The following PARP14 variants were observed in gnomAD, a reference collection of about 807,000 sequenced individuals.
PARP14 encodes poly(ADP-ribose) polymerase family member 14.
In PARP14, 59 loss-of-function variants were observed where a neutral mutation model predicts 154.2. The observed-to-expected ratio is 0.38, with a 90% CI of 0.31 to 0.48. The LOEUF (loss-of-function observed/expected upper bound fraction) is 0.48. Ranked by LOEUF, PARP14 falls within the 20% of genes least tolerant of loss-of-function variation. The pLI is 0.98. For synonymous variants in PARP14, 720 were observed against 780.5 expected, an observed-to-expected ratio of 0.92 and a Z score of 1.29; for missense variants, 1,734 against 2,131.6, an observed-to-expected ratio of 0.81 and a Z score of 3.67.
intron 15 of PARP14, among the ~76,000 whole-genome samples, chr3:122,723,160 G>A (rs151078054): frequency 0.059 from 8,913 of 151,988 alleles, 319 homozygotes; most frequent in African/African-American, 0.097. Flanking sequence ...GGCTGGTCTC[G>A]AACTCCTGAC....
chr3:122,720,570 CT>C (rs1933139549), intron 15 of PARP14, 182 bp downstream of exon 15: 1 of 648,986 alleles, frequency 1.5e-6, no homozygotes, highest in Non-Finnish European at 2.8e-6. Context: ...CATTAAGATT[CT>C]TGTGTCAGTG....
chr3:122,685,583 C>T (rs1241959368), intron 2 of PARP14, among the ~76,000 whole-genome samples: 1 of 150,590 alleles, frequency 6.6e-6, no homozygotes, highest in African/African-American at 2.4e-5. Flanking sequence ...AATCTTGGCT[C>T]ACTGCAACCT....
chr3:122,720,219 G>A (rs775801543), intron 14 of PARP14, 36 bp from the exon 15 acceptor site: 1 of 1,601,122 alleles, frequency 6.2e-7, no homozygotes, highest in Non-Finnish European at 8.5e-7. Context: ...GTGTACCGGG[G>A]ATGTATGAGG....
chr3:122,712,124 C>A (rs1404123373), intron 9 of PARP14, among the ~76,000 whole-genome samples: 1 of 152,046 alleles, frequency 6.6e-6, no homozygotes, highest in Non-Finnish European at 1.5e-5. Flanking sequence ...TCCTATTTTT[C>A]CATTCATTCC....
chr3:122,721,951 C>G (rs1161786094), intron 15 of PARP14: 1 of 152,142 alleles, frequency 6.6e-6, no homozygotes, highest in East Asian at 1.9e-4. Flanking sequence ...TAAGATAATA[C>G]AGACGAACTG....
intron 5 of PARP14, among the ~76,000 whole-genome samples, chr3:122,696,537 C>A (rs145708110): frequency 6.6e-6 from 1 of 152,140 alleles, no homozygotes; most frequent in South Asian, 2.1e-4. Flanking sequence ...CAAAGAGGAG[C>A]TTCTGTCACA....
intron 14 of PARP14, 35 bp from the exon 15 acceptor site, chr3:122,720,220 A>T (rs749188821): frequency 3.1e-6 from 5 of 1,601,896 alleles, no homozygotes; most frequent in Admixed American, 3.4e-5. Context: ...TGTACCGGGG[A>T]TGTATGAGGG....
Position 122,713,915 on chromosome 3 carries a change from A to C in PARP14, c.3813A>C (p.Glu1271Asp). 2.5e-6 allele frequency: 4 copies of C among 1,612,842 alleles called. No individual in the cohort carries two copies. Among genetic ancestry groups the C allele is most frequent in the Non-Finnish European group, 3.4e-6 (4 of 1,178,868 alleles). Residue 1271 changes from glutamate to aspartate, a missense_variant, in exon 11 of 17, where the codon GAA becomes GAC. This residue lies in a region of PARP14 where 1,646 missense variants were observed against 1,976.0 expected (regional missense o/e 0.83). Transcript: ENST00000474629. The part of the protein sequence containing the change: ...AILECAGQNV[E>D]RECSQQAQQR... ...TAGAATGTGCTGGACAAAATGTAGA[A>C]AGGGAATGTTCTCAGCAAGGTAAGG...
chr3:122,716,242 A>C (rs1031031525), intron 12 of PARP14, among the ~76,000 whole-genome samples: 2 of 152,004 alleles, frequency 1.3e-5, no homozygotes, highest in Non-Finnish European at 2.9e-5. Context: ...CTCAACGCAG[A>C]CTCCAAACTC....
chr3:122,727,687 C>T (rs903263860), intron 15 of PARP14, 125 bp from the exon 16 acceptor site: 23 of 520,704 alleles, frequency 4.4e-5, no homozygotes, highest in Non-Finnish European at 6.9e-5. Context: ...AGAAAGCTGC[C>T]GTCTGGCATT....
rs267599575 is a variant in PARP14, at chr3:122,718,439, C to A, written c.4288C>A (p.Arg1430=). 137 of 1,613,762 alleles carry A rather than the reference C, an allele frequency of 8.5e-5. 1 individual carries two copies. The South Asian group carries it at 1.4e-3, about 17-fold the overall frequency. Residue 1430 remains arginine, a synonymous_variant, in exon 14 of 17, where the codon CGG becomes AGG. Transcript: ENST00000474629. ...AAAGAAAACAGAATCAGCAACTTTTCGGGTGTGTGGTGAAAATGTCACGTG... is the reference window on the plus strand; with the variant it reads ...AAAGAAAACAGAATCAGCAACTTTTAGGGTGTGTGGTGAAAATGTCACGTG... ...LEKKTESATF[R]VCGENVTCVE... is the part of the protein sequence containing the mutation.
intron 7 of PARP14, 50 bp from the exon 8 acceptor site, chr3:122,704,477 A>T: frequency 8.4e-7 from 1 of 1,183,738 alleles, no homozygotes. Flanking sequence ...TTTTTGTTCT[A>T]ACTCCCATTT....
At chr3:122,688,878 G>A (rs903205934) in intron 3 of PARP14, among the ~76,000 whole-genome samples, 3 of 152,132 alleles carry the variant, frequency 2.0e-5, no homozygotes, top group Admixed American at 6.5e-5. Flanking sequence ...TTAAAACTGA[G>A]GCGTCTGCAG....
In PARP14 at chr3:122,729,846, T is replaced by G. The variant is rs2107658324; in HGVS notation, c.*1249T>G. 6.6e-6 allele frequency: 1 copy of G among 152,340 alleles called. No individual in the cohort carries two copies. Among genetic ancestry groups the G allele is most frequent in the Middle Eastern group, 3.4e-3 (1 of 294 alleles). 9.4% of individuals were successfully genotyped at this position (152,340 alleles called of 1,614,324 possible). On this transcript the variant is annotated 3_prime_UTR_variant, in exon 17 of 17. Transcript: ENST00000474629. Reference sequence around the variant, plus strand: ...GAGATTAAATGAACTCTAAGATTATTAAATAGTATATTTTCCTTGACAGCC... The same window carrying G: ...GAGATTAAATGAACTCTAAGATTATGAAATAGTATATTTTCCTTGACAGCC...
Position 122,699,646 on chromosome 3 carries a change from T to C in PARP14, c.1092T>C (p.Val364=), listed in dbSNP as rs770845543. Reference sequence around the variant, plus strand: ...CGTGGTCCCAACTCAGTGGTAAAGTTACCATCAGACCAGCAGCCACCTTAG... The same window carrying C: ...CGTGGTCCCAACTCAGTGGTAAAGTCACCATCAGACCAGCAGCCACCTTAG... The part of the protein sequence containing the change: ...ELTWSQLSGK[V]TIRPAATLVN... Residue 364 remains valine, a synonymous_variant, in exon 6 of 17, where the codon GTT becomes GTC. Transcript: ENST00000474629. 3.1e-6 allele frequency: 5 copies of C among 1,613,896 alleles called. No individual in the cohort carries two copies. In the African/African-American group the frequency reaches 5.3e-5, roughly 17 times the overall value.
At chr3:122,720,012 C>T (rs1056481294) in intron 14 of PARP14, among the ~76,000 whole-genome samples, 1 of 152,226 alleles carries the variant, frequency 6.6e-6, no homozygotes, top group African/African-American at 2.4e-5. Context: ...GACATACAGG[C>T]TCTGCCCCTC....
At position 122,681,114 on chromosome 3, in the gene PARP14, C is replaced by A; in HGVS notation, c.187+44C>A. On this transcript the variant is annotated intron_variant, in intron 1 of 16. Transcript: ENST00000474629. This position sits in a 1 kb window ranked among gnomAD's most constrained non-coding sequence, Gnocchi z 5.5. ...GGGGTGAGGAGGGGGCACCTCTGCC[C>A]TCCCTCCAGGGAAATGGCGGCAGGG... The A allele has an allele frequency of 6.7e-7, 1 of 1,492,550 alleles. No homozygotes were observed. The highest frequency in any genetic ancestry group is 9.3e-7 in the Non-Finnish European group (1 of 1,076,274). The allele number at this position is 1,492,550 out of a possible 1,614,324, so 92.5% of individuals were successfully genotyped here. A position where few individuals can be genotyped will look rare whatever the true frequency, so the allele number is the denominator to read the frequency against.
chr3:122,686,518 G>A (rs766176915), intron 2 of PARP14, among the ~76,000 whole-genome samples: 1 of 151,756 alleles, frequency 6.6e-6, no homozygotes, highest in African/African-American at 2.4e-5. Flanking sequence ...GAGTGCAGTG[G>A]CACCACCATA....
intron 6 of PARP14, among the ~76,000 whole-genome samples, chr3:122,702,435 G>C (rs895266680): frequency 1.3e-5 from 2 of 152,140 alleles, no homozygotes; most frequent in Non-Finnish European, 2.9e-5. Flanking sequence ...GGCCAGGCTG[G>C]TCTTGAACTC....
Sources: gnomAD v4.1 joint callset for allele counts (sites outside exome capture counted in the v4.1 genomes callset) on GRCh38, gnomAD v4.1.1 for gene constraint, gnomAD v4.1.1 regional missense constraint, Gnocchi (gnomAD v3.1) non-coding constraint, MANE v1.5 for transcripts, NCBI Gene and HGNC (gene_info 2026-07-23, HGNC 2026-07-21) for gene names.